FCHSD2: variants seen among roughly 807,000 people sequenced by gnomAD.
FCHSD2 encodes the protein FCH and double SH3 domains 2.
A neutral mutation model predicts 108.1 loss-of-function variants in FCHSD2; 38 were observed. The observed-to-expected ratio is 0.35, with a 90% confidence interval of 0.27 to 0.46. The LOEUF (loss-of-function observed/expected upper bound fraction) is 0.46, where lower values mean the gene tolerates loss of function less well. Ranked by LOEUF, FCHSD2 falls within the 20% of genes least tolerant of loss-of-function variation. The pLI is 1.00. For synonymous variants in FCHSD2, 279 were observed against 314.7 expected (o/e 0.89, Z 1.20); for missense variants, 751 against 897.8 (o/e 0.84, Z 2.09).
intron 8 of FCHSD2, among the ~76,000 whole-genome samples, chr11:72,939,839 G>A (rs1856379894): frequency 6.6e-6 from 1 of 151,550 alleles, no homozygotes; most frequent in African/African-American, 2.4e-5. Context: ...GGCTGGTCTT[G>A]AACTCCTGAC....
chr11:72,927,795 C>A (rs1591405633), intron 8 of FCHSD2, among the ~76,000 whole-genome samples: 1 of 152,184 alleles, frequency 6.6e-6, no homozygotes, highest in South Asian at 2.1e-4. Context: ...GAGAAGCCTA[C>A]CATCCTGAAT....
chr11:72,992,800 A>C lies in FCHSD2; in HGVS notation c.388-3703T>G, dbSNP rs551918013. Among the ~76,000 whole-genome samples, 189 of 152,368 alleles carry C rather than the reference A, an allele frequency of 1.2e-3. 1 individual carries two copies. The highest frequency in any genetic ancestry group is 4.3e-3 in the African/African-American group (180 of 41,594). The stretch of plus-strand genomic sequence containing the variant: ...TTAAATGTTAGACCTAAAACCATAA[A>C]AACCCTAGAAGAAAAGCTAGGCAAT... On this transcript the variant is annotated intron_variant, in intron 5 of 19. Transcript: ENST00000409418.
intron 4 of FCHSD2, among the ~76,000 whole-genome samples, chr11:73,006,555 C>T (rs890667017): frequency 1.3e-5 from 2 of 152,212 alleles, no homozygotes; most frequent in Non-Finnish European, 2.9e-5. Context: ...TTTGAGCCAC[C>T]CTCACCTTAT....
At chr11:73,127,861 G>A (rs1448763661) in intron 2 of FCHSD2, among the ~76,000 whole-genome samples, 1 of 151,496 alleles carries the variant, frequency 6.6e-6, no homozygotes, top group South Asian at 2.1e-4. Flanking sequence ...GGGGGCGGGG[G>A]TGGGAATCAC....
At position 73,141,862 on chromosome 11, in the gene FCHSD2, T is replaced by A. The variant is rs1313426812; in HGVS notation, c.16A>T (p.Arg6Trp). The part of the protein sequence containing the change: MQPPP[R>W]KVKVTQELKN... ...CCCCCCAGCTGCGCCCTTACCTTCC[T>A]CGGCGGCGGCTGCATGATGCTGAAG... The change falls in exon 1 of 20, where the codon AGG becomes TGG. Residue 6 changes from arginine to tryptophan, a missense_variant. Transcript: ENST00000409418. 1.3e-6 allele frequency: 2 copies of A among 1,545,204 alleles called. No individual in the cohort carries two copies. Among genetic ancestry groups the A allele is most frequent in the Middle Eastern group, 1.7e-4 (1 of 5,990 alleles).
rs540570583 is a variant in FCHSD2, at chr11:72,837,146, C to G, written c.*1645G>C. 69 of 152,172 alleles carry G rather than the reference C, an allele frequency of 4.5e-4. No individual in the cohort carries two copies. The highest frequency in any genetic ancestry group is 1.4e-3 in the African/African-American group (59 of 41,516). The allele number at this position is 152,172 out of a possible 1,614,324, so 9.4% of individuals were successfully genotyped here. On this transcript the variant is annotated 3_prime_UTR_variant, in exon 20 of 20. Transcript: ENST00000409418. ...AAACTTTAAAATCTTAAAAAAACCA[C>G]CCTTTTAATTTCTTTTTTAAACTTA...
At chr11:73,141,268 T>A (rs1367569828) in intron 1 of FCHSD2, 2 of 152,852 alleles carry the variant, frequency 1.3e-5, no homozygotes, top group African/African-American at 4.8e-5. Context: ...GACAGCCTCC[T>A]CGCCCCTCAG....
intron 2 of FCHSD2, among the ~76,000 whole-genome samples, chr11:73,118,196 A>G (rs1860648973): frequency 6.6e-6 from 1 of 152,098 alleles, no homozygotes; most frequent in African/African-American, 2.4e-5. Flanking sequence ...GCAGGTGCAT[A>G]TAATCCCAGC....
At chr11:72,944,746 T>C (rs1347234586) in intron 8 of FCHSD2, among the ~76,000 whole-genome samples, 1 of 152,144 alleles carries the variant, frequency 6.6e-6, no homozygotes, top group African/African-American at 2.4e-5. Flanking sequence ...AGCATTCTTA[T>C]ATACCAATAA....
chr11:73,018,517 C>CTTTTTTT (rs543899306), intron 3 of FCHSD2, among the ~76,000 whole-genome samples: 1 of 138,186 alleles, frequency 7.2e-6, no homozygotes, highest in Non-Finnish European at 1.6e-5. Context: ...CAGATCTTGT[C>CTTTTTTT]TTTTTTTTTT....
intron 3 of FCHSD2, among the ~76,000 whole-genome samples, chr11:73,024,482 T>C (rs1263979787): frequency 1.3e-5 from 2 of 152,082 alleles, no homozygotes; most frequent in Admixed American, 6.5e-5. Flanking sequence ...TAAACAAACA[T>C]GTAAACAGAT....
chr11:73,111,471 T>C (rs985948077), intron 2 of FCHSD2, among the ~76,000 whole-genome samples: 1 of 152,238 alleles, frequency 6.6e-6, no homozygotes, highest in East Asian at 1.9e-4. Flanking sequence ...TCCTTTTTTT[T>C]TTTTTCAGTC....
chr11:72,871,753 ATTTTTTTTTTTT>A (rs35295400), intron 12 of FCHSD2, among the ~76,000 whole-genome samples: 2 of 132,862 alleles, frequency 1.5e-5, no homozygotes, highest in Non-Finnish European at 3.2e-5. Context: ...TTGGTACATA[ATTTTTTTTTTTT>A]TTTTTTTTAG....
At chr11:72,922,037 T>C in intron 8 of FCHSD2, 87 bp from the exon 9 acceptor site, 1 of 883,740 alleles carries the variant, frequency 1.1e-6, no homozygotes, top group Non-Finnish European at 1.7e-6. Context: ...AGTAGGTATG[T>C]TCAGTTTAAA....
chr11:72,949,745 G>T (rs10898892), intron 8 of FCHSD2, among the ~76,000 whole-genome samples: 144,824 of 152,312 alleles, frequency 0.95, 69,169 homozygotes, highest in East Asian at 1. Context: ...CACTGTATGG[G>T]TTTACCACAT....
intron 3 of FCHSD2, among the ~76,000 whole-genome samples, chr11:73,044,418 C>T (rs1858708828): frequency 6.6e-6 from 1 of 151,936 alleles, no homozygotes; most frequent in African/African-American, 2.4e-5. Context: ...TATCTCTACA[C>T]AAAATTTAAA....
intron 12 of FCHSD2, among the ~76,000 whole-genome samples, chr11:72,885,652 TTAAAA>T (rs1486049847): frequency 6.6e-6 from 1 of 152,150 alleles, no homozygotes; most frequent in African/African-American, 2.4e-5. Context: ...GAGACTTGTC[TTAAAA>T]TAATTACTCC....
chr11:73,108,486 A>G (rs1328683563), intron 2 of FCHSD2, among the ~76,000 whole-genome samples: 5 of 152,136 alleles, frequency 3.3e-5, no homozygotes, highest in Non-Finnish European at 5.9e-5. Flanking sequence ...GCCCAGTCCA[A>G]TGCCATGAAG....
chr11:73,067,028 T>C (rs1204641328), intron 3 of FCHSD2, among the ~76,000 whole-genome samples: 2 of 152,166 alleles, frequency 1.3e-5, no homozygotes, highest in African/African-American at 2.4e-5. Context: ...TAAAGACACA[T>C]GCACACGTAT....
Sources: allele counts gnomAD v4.1 joint callset (sites outside exome capture counted in the v4.1 genomes callset), GRCh38; gene constraint gnomAD v4.1.1; transcripts MANE v1.5; gene names NCBI Gene and HGNC (gene_info 2026-07-23, HGNC 2026-07-21).